Variants in PDZRN4 observed in about 807,000 individuals in gnomAD.
The protein encoded by PDZRN4 is PDZ domain containing ring finger 4, also known as PDZ domain-containing RING finger protein 4.
Under a neutral mutation model 99.0 loss-of-function variants are expected in PDZRN4, and 70 were observed. The ratio of observed to expected loss-of-function variants is 0.71; its 90% CI spans 0.58 to 0.86. PDZRN4 has a LOEUF of 0.86. Ranked by LOEUF, PDZRN4 falls within the 40% of genes least tolerant of loss-of-function variation. The pLI is 0.00. For missense variants in PDZRN4, 1,474 were observed against 1,331.2 expected, an observed-to-expected ratio of 1.11 and a Z score of -1.67; for synonymous variants, 551 against 501.6, an observed-to-expected ratio of 1.10 and a Z score of -1.32.
intron 3 of PDZRN4, among the ~76,000 whole-genome samples, chr12:41,252,511 G>T (rs183423014): frequency 6.6e-6 from 1 of 152,312 alleles, no homozygotes; most frequent in African/African-American, 2.4e-5. Flanking sequence ...CCTTTGGGAG[G>T]CCGAAGCAGG....
intron 3 of PDZRN4, among the ~76,000 whole-genome samples, chr12:41,347,269 T>C (rs1354791858): frequency 1.3e-5 from 2 of 152,132 alleles, no homozygotes; most frequent in South Asian, 2.1e-4. Flanking sequence ...CCAAAAGCAA[T>C]GCATTGGGAT....
chr12:41,486,332 T>C (rs1430763255), intron 3 of PDZRN4, among the ~76,000 whole-genome samples: 1 of 152,176 alleles, frequency 6.6e-6, no homozygotes, highest in Non-Finnish European at 1.5e-5. Flanking sequence ...TTATCTTGTG[T>C]ATGGAGCCAG....
chr12:41,270,312 GTGTGTGTGTGTGTC>G (rs1038393753), intron 3 of PDZRN4, among the ~76,000 whole-genome samples: 1 of 106,140 alleles, frequency 9.4e-6, no homozygotes, highest in Non-Finnish European at 1.9e-5. Flanking sequence ...TGTGTGTGTG[GTGTGTGTGTGTGTC>G]TGTGTGTGTG....
intron 3 of PDZRN4, among the ~76,000 whole-genome samples, chr12:41,387,133 A>T (rs947871707): frequency 6.6e-6 from 1 of 152,212 alleles, no homozygotes; most frequent in African/African-American, 2.4e-5. Context: ...ATCTAATTAA[A>T]CTAAAGAGCT....
chr12:41,291,382 C>A (rs1476998743), intron 3 of PDZRN4, among the ~76,000 whole-genome samples: 1 of 152,066 alleles, frequency 6.6e-6, no homozygotes, highest in Non-Finnish European at 1.5e-5. Flanking sequence ...TTGGATGTAG[C>A]CAGAATTCAG....
intron 3 of PDZRN4, among the ~76,000 whole-genome samples, chr12:41,255,914 T>A (rs1041183052): frequency 3.3e-5 from 5 of 152,082 alleles, no homozygotes; most frequent in Non-Finnish European, 7.4e-5. Flanking sequence ...ATGGGGTGGG[T>A]ACCAAACCAT....
At chr12:41,484,777 C>G (rs1187954836) in intron 3 of PDZRN4, among the ~76,000 whole-genome samples, 1 of 152,108 alleles carries the variant, frequency 6.6e-6, no homozygotes, top group African/African-American at 2.4e-5. Flanking sequence ...CCTTAACCCA[C>G]AGATGAAGCT....
chr12:41,401,451 A>G (rs958212721), intron 3 of PDZRN4, among the ~76,000 whole-genome samples: 2 of 152,190 alleles, frequency 1.3e-5, no homozygotes, highest in African/African-American at 4.8e-5. Context: ...ATGAATGTGT[A>G]ATTTATAAAA....
At chr12:41,195,547 A>C (rs1209579751) in intron 3 of PDZRN4, among the ~76,000 whole-genome samples, 1 of 152,242 alleles carries the variant, frequency 6.6e-6, no homozygotes, top group South Asian at 2.1e-4. Flanking sequence ...AAAGAACACA[A>C]CATTTATAAA....
Position 41,567,875 on chromosome 12 carries a change from G to A in PDZRN4, c.1560G>A (p.Gln520=), listed in dbSNP as rs1250762206. 1.2e-6 allele frequency: 2 copies of A among 1,610,348 alleles called. No individual in the cohort carries two copies. The highest frequency in any genetic ancestry group is 8.5e-7 in the Non-Finnish European group (1 of 1,177,180). Reference sequence around the variant, plus strand: ...AAGAAGAGCATAATGAAGCAATGCAGCCCACTGCCAATGAGGTGGAGCAGG... The same window carrying A: ...AAGAAGAGCATAATGAAGCAATGCAACCCACTGCCAATGAGGTGGAGCAGG... ...MLEEEHNEAM[Q]PTANEVEQPK... Residue 520 remains glutamine, a synonymous_variant, in exon 9 of 10, where the codon CAG becomes CAA. Coordinates refer to ENST00000402685, the MANE Select transcript of PDZRN4 (RefSeq NM_001164595.2).
chr12:41,223,663 G>C (rs1028207289), intron 3 of PDZRN4, among the ~76,000 whole-genome samples: 1 of 152,136 alleles, frequency 6.6e-6, no homozygotes, highest in African/African-American at 2.4e-5. Context: ...TGGTCACTTA[G>C]GACAGTGAGC....
At chr12:41,286,787 CA>C (rs1951425298) in intron 3 of PDZRN4, among the ~76,000 whole-genome samples, 1 of 152,112 alleles carries the variant, frequency 6.6e-6, no homozygotes, top group African/African-American at 2.4e-5. Flanking sequence ...TTCACAGTGG[CA>C]AATGACTCTG....
At chr12:41,331,070 A>G (rs746227350) in intron 3 of PDZRN4, among the ~76,000 whole-genome samples, 9 of 152,164 alleles carry the variant, frequency 5.9e-5, no homozygotes, top group Non-Finnish European at 5.9e-5. Flanking sequence ...GGGGAAGACT[A>G]ACATCGCAAA....
intron 9 of PDZRN4, among the ~76,000 whole-genome samples, chr12:41,568,672 C>T (rs985603003): frequency 5.3e-5 from 8 of 152,028 alleles, no homozygotes; most frequent in Non-Finnish European, 1.0e-4. Flanking sequence ...GTCTTTTTCC[C>T]ATTTTACAAA....
Position 41,201,296 on chromosome 12 carries a change from C to A in PDZRN4, c.843+7108C>A, listed in dbSNP as rs1311172269. Among the ~76,000 whole-genome samples the A allele has an allele frequency of 5.3e-5, 8 of 152,112 alleles. 1 individual carries two copies. In the East Asian group the frequency reaches 1.4e-3, roughly 26 times the overall value. On this transcript the variant is annotated intron_variant, in intron 3 of 9. Transcript: ENST00000402685. The stretch of plus-strand genomic sequence containing the variant: ...GCCACAGCCTTCTGTAGCTGACAAA[C>A]TCCTTTGTATCCTCAAATATCCTCT...
intron 3 of PDZRN4, among the ~76,000 whole-genome samples, chr12:41,195,340 A>G (rs140578739): frequency 1.7e-3 from 259 of 152,268 alleles, no homozygotes; most frequent in African/African-American, 5.9e-3. Context: ...ACTCTAGGCT[A>G]TATAATCACT....
intron 3 of PDZRN4, among the ~76,000 whole-genome samples, chr12:41,482,553 T>C (rs1417956635): frequency 6.6e-6 from 1 of 152,168 alleles, no homozygotes; most frequent in Non-Finnish European, 1.5e-5. Context: ...TTGAGTTATT[T>C]ATTTCTCATA....
At chr12:41,224,065 G>A (rs1258461031) in intron 3 of PDZRN4, among the ~76,000 whole-genome samples, 1 of 152,230 alleles carries the variant, frequency 6.6e-6, no homozygotes, top group Non-Finnish European at 1.5e-5. Context: ...GGCCAGAGCA[G>A]CTTGCCCTTG....
chr12:41,289,121 A>T (rs190522303), intron 3 of PDZRN4, among the ~76,000 whole-genome samples: 1 of 152,228 alleles, frequency 6.6e-6, no homozygotes, highest in African/African-American at 2.4e-5. Flanking sequence ...AATTCTGAAC[A>T]AAACTTCAGC....
Sources: gnomAD v4.1 joint callset for allele counts (sites outside exome capture counted in the v4.1 genomes callset) on GRCh38, gnomAD v4.1.1 for gene constraint, MANE v1.5 for transcripts, NCBI Gene and HGNC (gene_info 2026-07-23, HGNC 2026-07-21) for gene names.